RGS13: variants seen among roughly 807,000 people sequenced by gnomAD.
The protein encoded by RGS13 is regulator of G-protein signalling 13.
A neutral mutation model predicts 19.9 loss-of-function variants in RGS13; 14 were observed. The observed-to-expected ratio is 0.70, with a 90% CI of 0.46 to 1.10. The LOEUF (loss-of-function observed/expected upper bound fraction) is 1.10. Ranked by LOEUF, RGS13 falls within the 50% of genes least tolerant of loss-of-function variation. The probability of loss-of-function intolerance (pLI) is 0.00; values close to 1 mark genes in which losing one functional copy is unlikely to be tolerated. For missense variants in RGS13, 205 were observed against 187.1 expected, an observed-to-expected ratio of 1.10 and a Z score of -0.56; for synonymous variants, 60 against 56.8, an observed-to-expected ratio of 1.06 and a Z score of -0.25.
chr1:192,649,524 T>C (rs74130408), intron 5 of RGS13, among the ~76,000 whole-genome samples: 1,538 of 152,266 alleles, frequency 0.01, 18 homozygotes, highest in African/African-American at 0.031. Flanking sequence ...TTTCTTTTAA[T>C]AGTAATAAAG....
At position 192,657,358 on chromosome 1, in the gene RGS13, A is replaced by G. The variant is rs148829138; in HGVS notation, c.128-843A>G. 1.3e-3 allele frequency among the ~76,000 whole-genome samples: 195 copies of G among 152,282 alleles called. 2 individuals carry two copies. The East Asian group carries it at 0.029, about 22-fold the overall frequency. On this transcript the variant is annotated intron_variant, in intron 5 of 6. Coordinates refer to ENST00000391995, the MANE Select transcript of RGS13 (RefSeq NM_002927.5). ...ATACTTGGTCCTCCCAAAGATTCCA[A>G]TTAATATGTTAGATTTGTGAGAGCT...
intron 1 of RGS13, 138 bp from the exon 2 acceptor site, chr1:192,637,452 C>G (rs1417088613): frequency 6.6e-6 from 1 of 151,818 alleles, no homozygotes; most frequent in South Asian, 2.1e-4. Context: ...TAACCATAAT[C>G]CAGCATTTCC....
chr1:192,659,294 C>T (rs2102040516), intron 6 of RGS13, 44 bp from the exon 7 acceptor site: 1 of 1,473,762 alleles, frequency 6.8e-7, no homozygotes, highest in South Asian at 1.3e-5. Flanking sequence ...GCCTTTTTTT[C>T]AACTATGCTA....
chr1:192,650,225 T>C (rs948496955), intron 5 of RGS13, among the ~76,000 whole-genome samples: 4 of 152,084 alleles, frequency 2.6e-5, no homozygotes, highest in Non-Finnish European at 4.4e-5. Context: ...AAGCAAAGGC[T>C]CTAGCAAAGA....
intron 4 of RGS13, 82 bp downstream of exon 4, chr1:192,644,481 T>C (rs916589134): frequency 4.9e-6 from 5 of 1,017,082 alleles, no homozygotes; most frequent in Non-Finnish European, 7.5e-6. Flanking sequence ...TAAACTGCTA[T>C]TGTAACATAT....
chr1:192,659,335 C>T lies in RGS13; in HGVS notation c.295-3C>T. On this transcript the variant is annotated splice_polypyrimidine_tract_variant and splice_region_variant and intron_variant, in intron 6 of 6. Coordinates refer to ENST00000391995, the MANE Select transcript of RGS13 (RefSeq NM_002927.5). Reference sequence around the variant, plus strand: ...ATGCTGTACATGTAATTTCACTTTTCAGATTAACATTGACAGTTCGACAAG... The same window carrying T: ...ATGCTGTACATGTAATTTCACTTTTTAGATTAACATTGACAGTTCGACAAG... The T allele has an allele frequency of 6.2e-7, 1 of 1,604,892 alleles. No homozygotes were observed. Among genetic ancestry groups the T allele is most frequent in the Non-Finnish European group, 8.5e-7 (1 of 1,176,394 alleles).
chr1:192,651,440 A>G (rs1663334459), intron 5 of RGS13, among the ~76,000 whole-genome samples: 2 of 151,082 alleles, frequency 1.3e-5, no homozygotes, highest in African/African-American at 2.5e-5. Flanking sequence ...GAATGAGGTC[A>G]ATACCGAAAG....
intron 5 of RGS13, among the ~76,000 whole-genome samples, chr1:192,648,265 T>C (rs573159208): frequency 6.6e-6 from 1 of 152,292 alleles, no homozygotes; most frequent in South Asian, 2.1e-4. Flanking sequence ...ACGCATACCA[T>C]AGCCTTCTAA....
chr1:192,644,458 G>T, intron 4 of RGS13, 59 bp downstream of exon 4: 11 of 1,209,826 alleles, frequency 9.1e-6, no homozygotes, highest in Non-Finnish European at 1.3e-5. Context: ...ATGATAAATA[G>T]GTACATATTT....
intron 5 of RGS13, among the ~76,000 whole-genome samples, chr1:192,650,867 T>C (rs1356780769): frequency 2.6e-5 from 4 of 152,180 alleles, no homozygotes; most frequent in Non-Finnish European, 4.4e-5. Flanking sequence ...TTCTTGTTAT[T>C]TATATGAAAC....
chr1:192,637,225 ACT>A (rs1033649302), intron 1 of RGS13, among the ~76,000 whole-genome samples: 25 of 151,920 alleles, frequency 1.6e-4, no homozygotes, highest in African/African-American at 6.0e-4. Flanking sequence ...TGTTCTAAAC[ACT>A]CTATGTTTCG....
chr1:192,658,670 C>T (rs543388298), intron 6 of RGS13: 20 of 248,154 alleles, frequency 8.1e-5, no homozygotes, highest in Admixed American at 2.4e-4. Flanking sequence ...GAGTCTGTGG[C>T]GAAAGCATTG....
At chr1:192,652,068 C>A (rs1265494095) in intron 5 of RGS13, among the ~76,000 whole-genome samples, 1 of 152,060 alleles carries the variant, frequency 6.6e-6, no homozygotes, top group Non-Finnish European at 1.5e-5. Context: ...TGCTCTGAAT[C>A]ACAGAGTTTG....
intron 5 of RGS13, 67 bp downstream of exon 5, chr1:192,648,054 G>A (rs1663252807): frequency 2.7e-6 from 3 of 1,117,556 alleles, no homozygotes; most frequent in South Asian, 3.0e-5. Context: ...AAAGGTGGGG[G>A]TGCCAGATGA....
intron 3 of RGS13, among the ~76,000 whole-genome samples, chr1:192,643,988 A>AGG (rs1421682602): frequency 6.6e-6 from 1 of 152,124 alleles, no homozygotes; most frequent in East Asian, 1.9e-4. Flanking sequence ...TTGTCCCAAA[A>AGG]GGGAAGCCTT....
intron 5 of RGS13, among the ~76,000 whole-genome samples, chr1:192,655,119 C>T (rs1177633546): frequency 6.6e-6 from 1 of 152,112 alleles, no homozygotes; most frequent in Non-Finnish European, 1.5e-5. Flanking sequence ...TCAGTTCTGA[C>T]TTTAATAATT....
intron 5 of RGS13, among the ~76,000 whole-genome samples, chr1:192,657,541 C>T (rs569473809): frequency 7.2e-4 from 109 of 152,190 alleles, no homozygotes; most frequent in African/African-American, 2.5e-3. Context: ...GTGATGGTTA[C>T]GCTGCACATA....
Position 192,659,446 on chromosome 1 carries a change from G to C in RGS13, c.403G>C (p.Asp135His), listed in dbSNP as rs757850642. 2 of 1,612,778 alleles carry C rather than the reference G, an allele frequency of 1.2e-6. No individual in the cohort carries two copies. Among genetic ancestry groups the C allele is most frequent in the African/African-American group, 1.3e-5 (1 of 74,846 alleles). ...AATAGTCTATATGCATATGGAAAGG[G>C]ATTCCTACCCCAGATTTCTAAAGTC... ...QKIVYMHMER[D>H]SYPRFLKSEM... is the part of the protein sequence containing the mutation. Residue 135 changes from aspartate to histidine, a missense_variant, in exon 7 of 7, where the codon GAT becomes CAT. By Grantham distance (81) the Asp-to-His change is moderately conservative. Coordinates refer to ENST00000391995, the MANE Select transcript of RGS13 (RefSeq NM_002927.5).
chr1:192,636,590 T>G (rs974541115), intron 1 of RGS13, among the ~76,000 whole-genome samples: 3 of 152,048 alleles, frequency 2.0e-5, no homozygotes, highest in African/African-American at 7.2e-5. Context: ...ATTTTATGTT[T>G]TTGTGTATAT....
Sources: allele counts gnomAD v4.1 joint callset (sites outside exome capture counted in the v4.1 genomes callset), GRCh38; gene constraint gnomAD v4.1.1; transcripts MANE v1.5; gene names NCBI Gene and HGNC (gene_info 2026-07-23, HGNC 2026-07-21).